ATP1B1: variants seen among roughly 807,000 people sequenced by gnomAD.
The protein encoded by ATP1B1 is sodium/potassium-transporting ATPase subunit beta-1.
A neutral mutation model predicts 39.6 loss-of-function variants in ATP1B1; 3 were observed. The observed-to-expected ratio is 0.08, with a 90% CI of 0.03 to 0.20. ATP1B1 has a LOEUF of 0.20. Among genes scored for constraint, ATP1B1 ranks in the 10% least tolerant of loss-of-function variants. ATP1B1 has a pLI of 1.00. For synonymous variants in ATP1B1, 139 were observed against 135.0 expected (o/e 1.03, Z -0.20); for missense variants, 216 against 371.1 (o/e 0.58, Z 3.43).
At position 169,131,631 on chromosome 1, in the gene ATP1B1, G is replaced by C; in HGVS notation, c.*76G>C. ...ACAAAAACAAAAACCTACTAGTCTT[G>C]AACAAACTGTCATACGTATGGGACC... is the stretch of plus-strand genomic sequence containing the variant. On this transcript the variant is annotated 3_prime_UTR_variant, in exon 6 of 6. Coordinates refer to ENST00000367815, the MANE Select transcript of ATP1B1 (RefSeq NM_001677.4). The surrounding 1 kb of genome is among the most constrained non-coding windows in gnomAD (Gnocchi z 4.4). 4.0e-6 allele frequency: 6 copies of C among 1,502,556 alleles called. No homozygotes were observed. Among genetic ancestry groups the C allele is most frequent in the Non-Finnish European group, 2.7e-6 (3 of 1,117,414 alleles). The allele number at this position is 1,502,556 out of a possible 1,614,324, so 93.1% of individuals were successfully genotyped here.
rs564957826 is a variant in ATP1B1 at position 169,127,708 on chromosome 1, T to G, written c.567+300T>G. ...AGATAACAGTTTCTATAACATAAACTCTTTAAAAAAGTAAAAATGGAAAAA... is the reference window on the plus strand; with the variant it reads ...AGATAACAGTTTCTATAACATAAACGCTTTAAAAAAGTAAAAATGGAAAAA... On this transcript the variant is annotated intron_variant, in intron 4 of 5. Transcript: ENST00000367815. Among the ~76,000 whole-genome samples, 125 of 152,204 alleles carry G rather than the reference T, an allele frequency of 8.2e-4. 1 individual carries two copies. The highest frequency in any genetic ancestry group is 2.9e-3 in the African/African-American group (119 of 41,526).
At chr1:169,108,760 T>C (rs182713009) in intron 1 of ATP1B1, among the ~76,000 whole-genome samples, 4 of 152,382 alleles carry the variant, frequency 2.6e-5, no homozygotes, top group Non-Finnish European at 5.9e-5. Context: ...TCCAGCAAGC[T>C]ATCAGTATGC....
At chr1:169,112,234 A>G (rs1657743636) in intron 2 of ATP1B1, among the ~76,000 whole-genome samples, 1 of 152,254 alleles carries the variant, frequency 6.6e-6, no homozygotes, top group Non-Finnish European at 1.5e-5. Flanking sequence ...CTGCCACACG[A>G]GTCCCTGCTG....
intron 2 of ATP1B1, among the ~76,000 whole-genome samples, chr1:169,122,555 T>C (rs1658000972): frequency 6.6e-6 from 1 of 152,126 alleles, no homozygotes; most frequent in African/African-American, 2.4e-5. Flanking sequence ...TATATTTAAA[T>C]TGCTTTAGAA....
intron 2 of ATP1B1, among the ~76,000 whole-genome samples, chr1:169,113,834 C>A (rs1396145338): frequency 6.6e-6 from 1 of 152,168 alleles, no homozygotes; most frequent in Non-Finnish European, 1.5e-5. Context: ...CAGGAAAAGT[C>A]CTCAGTCCTC....
At chr1:169,121,518 T>C (rs1255808432) in intron 2 of ATP1B1, among the ~76,000 whole-genome samples, 1 of 152,190 alleles carries the variant, frequency 6.6e-6, no homozygotes, top group Non-Finnish European at 1.5e-5. Flanking sequence ...CCTCCTGTTC[T>C]TACTCTCCTT....
At position 169,132,608 on chromosome 1, in the gene ATP1B1, T is replaced by G; in HGVS notation, c.*1053T>G. The G allele has an allele frequency of 1.8e-6, 1 of 556,874 alleles. No individual in the cohort carries two copies. Among genetic ancestry groups the G allele is most frequent in the South Asian group, 2.8e-5 (1 of 35,818 alleles). 34.5% of individuals were successfully genotyped at this position (556,874 alleles called of 1,614,324 possible). On this transcript the variant is annotated 3_prime_UTR_variant, in exon 6 of 6. Transcript: ENST00000367815. ...CCATAGACTGGTGTTAAATGTTGTC[T>G]ACAGTGCAAAATCCATGTTCTAACA...
chr1:169,107,008 G>T (rs1211445604), intron 1 of ATP1B1, 82 bp downstream of exon 1: 20 of 1,339,368 alleles, frequency 1.5e-5, no homozygotes, highest in Non-Finnish European at 1.9e-5. Flanking sequence ...TCCGCGGCCG[G>T]TTCCGCACCC....
chr1:169,127,136 G>T (rs1474123624), intron 3 of ATP1B1, 88 bp from the exon 4 acceptor site: 2 of 1,372,702 alleles, frequency 1.5e-6, no homozygotes, highest in Non-Finnish European at 1.9e-6. Context: ...CTCAGAATAG[G>T]TAACTATGAC....
chr1:169,106,857 G>A lies in ATP1B1; in HGVS notation c.28G>A (p.Gly10Ser). The A allele has an allele frequency of 6.3e-7, 1 of 1,586,504 alleles. No individual in the cohort carries two copies. Among genetic ancestry groups the A allele is most frequent in the South Asian group, 1.1e-5 (1 of 88,050 alleles). Residue 10 changes from glycine to serine, a missense_variant, in exon 1 of 6, where the codon GGC (glycine) becomes AGC (serine). Physicochemically the swap from Gly to Ser is moderately conservative, Grantham distance 56. Transcript: ENST00000367815. ...GGCCCGCGGGAAAGCCAAGGAGGAGGGCAGCTGGAAGAAATTCATCTGGAA... is the reference window on the plus strand; with the variant it reads ...GGCCCGCGGGAAAGCCAAGGAGGAGAGCAGCTGGAAGAAATTCATCTGGAA... Reference protein sequence around the residue: MARGKAKEEGSWKKFIWNSE... With the variant: MARGKAKEESSWKKFIWNSE...
At chr1:169,121,523 C>T (rs1657980562) in intron 2 of ATP1B1, among the ~76,000 whole-genome samples, 1 of 152,136 alleles carries the variant, frequency 6.6e-6, no homozygotes, top group South Asian at 2.1e-4. Flanking sequence ...TGTTCTTACT[C>T]TCCTTTTTTT....
intron 4 of ATP1B1, 32 bp downstream of exon 4, chr1:169,127,440 T>G (rs1440256298): frequency 6.3e-7 from 1 of 1,585,238 alleles, no homozygotes; most frequent in Non-Finnish European, 8.6e-7. Context: ...AGAATTTAGA[T>G]GAGTCATTTA....
rs547810622 is a variant in ATP1B1 at position 169,127,294 on chromosome 1, C to T, written c.453C>T (p.Phe151=). The change falls in exon 4 of 6, where the codon TTC becomes TTT. Residue 151 remains phenylalanine, a synonymous_variant. Transcript: ENST00000367815. ...HERGERKVCR[F]KLEWLGNCSG... ...GAGGAGAGCGAAAGGTCTGCAGATTCAAGCTTGAATGGCTGGGAAATTGCT... is the reference window on the plus strand; with the variant it reads ...GAGGAGAGCGAAAGGTCTGCAGATTTAAGCTTGAATGGCTGGGAAATTGCT... 6.2e-7 allele frequency: 1 copy of T among 1,609,638 alleles called. No individual in the cohort carries two copies. The highest frequency in any genetic ancestry group is 1.7e-5 in the Admixed American group (1 of 59,096).
At chr1:169,125,884 A>G (rs2101790334) in intron 3 of ATP1B1, among the ~76,000 whole-genome samples, 1 of 152,260 alleles carries the variant, frequency 6.6e-6, no homozygotes, top group African/African-American at 2.4e-5. Flanking sequence ...CTGAAGTGGG[A>G]GGATCACTTG....
intron 1 of ATP1B1, among the ~76,000 whole-genome samples, chr1:169,108,564 C>T (rs1657655202): frequency 1.3e-5 from 2 of 152,148 alleles, no homozygotes; most frequent in Non-Finnish European, 2.9e-5. Context: ...GCCTTCTTGT[C>T]TTTTTCCCCT....
chr1:169,117,688 A>G (rs955049232), intron 2 of ATP1B1, among the ~76,000 whole-genome samples: 1 of 152,216 alleles, frequency 6.6e-6, no homozygotes, highest in African/African-American at 2.4e-5. Flanking sequence ...GTCCACTTCT[A>G]CCATAAAATC....
At chr1:169,127,925 C>T (rs1213379177) in intron 4 of ATP1B1, among the ~76,000 whole-genome samples, 1 of 151,976 alleles carries the variant, frequency 6.6e-6, no homozygotes, top group Non-Finnish European at 1.5e-5. Flanking sequence ...AATTTTATTG[C>T]GGAAGTAGAA....
In ATP1B1 at chr1:169,106,704, A is replaced by G; in HGVS notation, c.-126A>G. ...GCGCGTCTCGCACTCCGAGAGCCGC[A>G]GCGGCAGCGGCGCGTCCTGCCTGCA... On this transcript the variant is annotated 5_prime_UTR_variant, in exon 1 of 6. Transcript: ENST00000367815. 1 of 574,624 alleles carries G rather than the reference A, an allele frequency of 1.7e-6. No homozygotes were observed. The highest frequency in any genetic ancestry group is 2.7e-6 in the Non-Finnish European group (1 of 372,582). The allele number at this position is 574,624 out of a possible 1,614,324, so 35.6% of individuals were successfully genotyped here. A position where few individuals can be genotyped will look rare whatever the true frequency, so the allele number is the denominator to read the frequency against.
chr1:169,120,169 G>A (rs1435735801), intron 2 of ATP1B1, among the ~76,000 whole-genome samples: 1 of 152,124 alleles, frequency 6.6e-6, no homozygotes, highest in African/African-American at 2.4e-5. Context: ...GAGACCTTGT[G>A]GAAATGTGAG....
Sources: allele counts gnomAD v4.1 joint callset (sites outside exome capture counted in the v4.1 genomes callset), GRCh38; gene constraint gnomAD v4.1.1; non-coding constraint Gnocchi (gnomAD v3.1); transcripts MANE v1.5; gene names NCBI Gene and HGNC (gene_info 2026-07-23, HGNC 2026-07-21).